Variants in NR3C2 observed in about 807,000 individuals in gnomAD.
NR3C2 encodes the protein nuclear receptor subfamily 3 group C member 2.
NR3C2 carries 15 observed loss-of-function variants against 86.4 expected under a neutral mutation model. The observed-to-expected ratio is 0.17, with a 90% CI of 0.12 to 0.27. The LOEUF is 0.27. NR3C2 is among the 10% of genes least tolerant of loss of function. NR3C2 has a pLI of 1.00. For missense variants in NR3C2, 960 were observed against 1,195.6 expected (o/e 0.80, Z 2.91); for synonymous variants, 458 against 450.5 (o/e 1.02, Z -0.21).
chr4:148,154,827 G>C lies in NR3C2; in HGVS notation c.2089C>G (p.Pro697Ala), dbSNP rs756422902. The change falls in exon 5 of 9, where the codon CCA (proline) becomes GCA (alanine). Residue 697 changes from proline to alanine, a missense_variant. By Grantham distance (27) the Pro-to-Ala change is conservative. This residue lies in a region of NR3C2 where 82 missense variants were observed against 73.0 expected (regional missense o/e 1.12). Coordinates refer to ENST00000358102, the MANE Select transcript of NR3C2 (RefSeq NM_000901.5). The part of the protein sequence containing the change: ...EQPQQQQPPP[P>A]PPPPQSPEEG... ...TCTGGGCTTTGCGGGGGTGGGGGTG[G>C]GGGTGGGGGCTGCTGCTGCTGTGGC... is the stretch of plus-strand genomic sequence containing the variant. The C allele has an allele frequency of 1.9e-5, 28 of 1,510,636 alleles. 1 individual carries two copies. Among genetic ancestry groups the C allele is most frequent in the Admixed American group, 7.0e-5 (4 of 56,910 alleles). 93.6% of individuals were successfully genotyped at this position (1,510,636 alleles called of 1,614,324 possible). A position where few individuals can be genotyped will look rare whatever the true frequency, so the allele number is the denominator to read the frequency against.
intron 3 of NR3C2, among the ~76,000 whole-genome samples, chr4:148,198,748 G>A (rs1736561544): frequency 6.6e-6 from 1 of 151,838 alleles, no homozygotes; most frequent in African/African-American, 2.4e-5. Context: ...TAAAAAGGTG[G>A]TAGAGGTGGT....
chr4:148,114,521 G>A (rs1732187194), intron 7 of NR3C2, among the ~76,000 whole-genome samples: 1 of 152,158 alleles, frequency 6.6e-6, no homozygotes, highest in Non-Finnish European at 1.5e-5. Flanking sequence ...TGACATAACT[G>A]TTATATCATT....
At chr4:148,321,877 C>T (rs1435440235) in intron 2 of NR3C2, among the ~76,000 whole-genome samples, 1 of 152,146 alleles carries the variant, frequency 6.6e-6, no homozygotes, top group East Asian at 1.9e-4. Context: ...AGTCCATTTA[C>T]ATTTAAAGTT....
intron 4 of NR3C2, among the ~76,000 whole-genome samples, chr4:148,181,576 C>T (rs1475163868): frequency 6.6e-6 from 1 of 152,202 alleles, no homozygotes; most frequent in East Asian, 1.9e-4. Flanking sequence ...AGACCACTCC[C>T]TTCAGAACAC....
At chr4:148,401,016 A>T (rs965403657) in intron 2 of NR3C2, among the ~76,000 whole-genome samples, 1 of 152,184 alleles carries the variant, frequency 6.6e-6, no homozygotes, top group Admixed American at 6.5e-5. Context: ...TGAGCTACTA[A>T]TAACAACATC....
intron 2 of NR3C2, among the ~76,000 whole-genome samples, chr4:148,383,645 A>T (rs1164038103): frequency 6.6e-6 from 1 of 152,200 alleles, no homozygotes; most frequent in East Asian, 1.9e-4. Context: ...GTTTAACTTC[A>T]CAGGGTCTGT....
chr4:148,097,725 G>A (rs1416934591), intron 8 of NR3C2, among the ~76,000 whole-genome samples: 1 of 143,270 alleles, frequency 7.0e-6, no homozygotes, highest in Non-Finnish European at 1.5e-5. Context: ...CTTAAAACAT[G>A]ATGAGACTTT....
intron 2 of NR3C2, among the ~76,000 whole-genome samples, chr4:148,334,125 G>A (rs1394722270): frequency 6.6e-6 from 1 of 152,132 alleles, no homozygotes; most frequent in Non-Finnish European, 1.5e-5. Flanking sequence ...GATTACAGAA[G>A]TCTTCAGAAA....
At chr4:148,413,445 C>G (rs2126577772) in intron 2 of NR3C2, among the ~76,000 whole-genome samples, 1 of 151,980 alleles carries the variant, frequency 6.6e-6, no homozygotes, top group South Asian at 2.1e-4. Flanking sequence ...GTTTCTTAGG[C>G]AAGGGATATA....
chr4:148,354,493 C>T (rs1745454293), intron 2 of NR3C2, among the ~76,000 whole-genome samples: 1 of 152,056 alleles, frequency 6.6e-6, no homozygotes. Context: ...CAATCCAATC[C>T]TGCAGGTAGC....
chr4:148,239,493 C>G (rs1286453856), intron 3 of NR3C2, among the ~76,000 whole-genome samples: 2 of 152,162 alleles, frequency 1.3e-5, no homozygotes, highest in African/African-American at 4.8e-5. Context: ...GGCTATCTGA[C>G]AGTAATGCCA....
intron 2 of NR3C2, among the ~76,000 whole-genome samples, chr4:148,303,545 T>C (rs1345776004): frequency 6.6e-6 from 1 of 152,108 alleles, no homozygotes; most frequent in Non-Finnish European, 1.5e-5. Context: ...CTCTCCTTTG[T>C]TGGAGGGACT....
chr4:148,273,827 C>CT (rs1202434218), intron 2 of NR3C2, among the ~76,000 whole-genome samples: 1 of 152,172 alleles, frequency 6.6e-6, no homozygotes, highest in Admixed American at 6.5e-5. Context: ...GTTGGAAGGG[C>CT]TATCAGAAAC....
At chr4:148,317,750 T>G (rs192370626) in intron 2 of NR3C2, among the ~76,000 whole-genome samples, 1 of 140,618 alleles carries the variant, frequency 7.1e-6, no homozygotes, top group Non-Finnish European at 1.5e-5. Context: ...AATGAAAACC[T>G]AATAGATCTG....
intron 4 of NR3C2, among the ~76,000 whole-genome samples, chr4:148,190,460 C>T (rs1286547969): frequency 6.6e-6 from 1 of 152,150 alleles, no homozygotes; most frequent in East Asian, 1.9e-4. Flanking sequence ...ATCATATGGT[C>T]CATCTTGGAG....
At chr4:148,270,077 A>ATT (rs11303019) in intron 2 of NR3C2, among the ~76,000 whole-genome samples, 57 of 145,954 alleles carry the variant, frequency 3.9e-4, no homozygotes, top group Middle Eastern at 3.6e-3. Flanking sequence ...TGATTTCAGC[A>ATT]TTTTTTTTTT....
chr4:148,265,942 A>T (rs1740364497), intron 2 of NR3C2, among the ~76,000 whole-genome samples: 1 of 152,226 alleles, frequency 6.6e-6, no homozygotes, highest in Non-Finnish European at 1.5e-5. Flanking sequence ...CATGGCGAAT[A>T]GAGAGACAAT....
intron 2 of NR3C2, among the ~76,000 whole-genome samples, chr4:148,352,149 C>G (rs1051455021): frequency 2.6e-5 from 4 of 152,134 alleles, no homozygotes; most frequent in African/African-American, 9.7e-5. Flanking sequence ...CGACATAAGT[C>G]CTGGGAGAAC....
intron 2 of NR3C2, among the ~76,000 whole-genome samples, chr4:148,320,090 T>G: frequency 8.6e-6 from 1 of 116,736 alleles, no homozygotes; most frequent in African/African-American, 4.0e-5. Context: ...GCATGAATGG[T>G]TGTTGAATTT....
Sources: allele counts gnomAD v4.1 joint callset (sites outside exome capture counted in the v4.1 genomes callset), GRCh38; gene constraint gnomAD v4.1.1; regional missense constraint gnomAD v4.1.1; transcripts MANE v1.5; gene names NCBI Gene and HGNC (gene_info 2026-07-23, HGNC 2026-07-21).